Variants in SUMF1 observed in about 807,000 individuals in gnomAD.
The protein encoded by SUMF1 is sulfatase modifying factor 1, also known as formylglycine-generating enzyme.
Under a neutral mutation model 47.6 loss-of-function variants are expected in SUMF1, and 48 were observed. The observed-to-expected ratio is 1.01, with a 90% CI of 0.80 to 1.28. SUMF1 has a LOEUF of 1.28. SUMF1 is among the 50% of genes most tolerant of loss of function. The probability of loss-of-function intolerance (pLI) is 0.00; values close to 1 mark genes in which losing one functional copy is unlikely to be tolerated. For missense variants in SUMF1, 571 were observed against 485.4 expected, an observed-to-expected ratio of 1.18 and a Z score of -1.66; for synonymous variants, 230 against 192.1, an observed-to-expected ratio of 1.20 and a Z score of -1.63.
At chr3:4,284,502 A>T (rs1318884541) in intron 8 of SUMF1, among the ~76,000 whole-genome samples, 1 of 150,958 alleles carries the variant, frequency 6.6e-6, no homozygotes, top group Non-Finnish European at 1.5e-5. Context: ...AGAAAGTACA[A>T]AAGAAGGGGC....
At chr3:4,343,630 A>G (rs545600170) in intron 8 of SUMF1, among the ~76,000 whole-genome samples, 1 of 152,336 alleles carries the variant, frequency 6.6e-6, no homozygotes, top group South Asian at 2.1e-4. Flanking sequence ...TCCTATGCTG[A>G]GCTACCTTGG....
intron 8 of SUMF1, among the ~76,000 whole-genome samples, chr3:4,169,414 G>A (rs1054371515): frequency 1.4e-4 from 21 of 152,120 alleles, no homozygotes; most frequent in Non-Finnish European, 2.8e-4. Flanking sequence ...AAAAGACAAT[G>A]TGAAGACACA....
At chr3:4,089,167 T>A (rs1692732502) in intron 8 of SUMF1, among the ~76,000 whole-genome samples, 1 of 152,126 alleles carries the variant, frequency 6.6e-6, no homozygotes, top group Admixed American at 6.6e-5. Context: ...CTTTTGCTCC[T>A]ACTCACAAAG....
chr3:4,230,315 A>G (rs1458832437), intron 8 of SUMF1, among the ~76,000 whole-genome samples: 1 of 152,126 alleles, frequency 6.6e-6, no homozygotes, highest in African/African-American at 2.4e-5. Context: ...TCAGATGCCA[A>G]TCATAAGTAT....
chr3:4,166,742 G>A (rs1200824233), intron 8 of SUMF1, among the ~76,000 whole-genome samples: 1 of 152,094 alleles, frequency 6.6e-6, no homozygotes, highest in Non-Finnish European at 1.5e-5. Context: ...TCCACTTATG[G>A]CTGCAGGGCC....
At chr3:4,385,757 T>C (rs762174257) in intron 7 of SUMF1, among the ~76,000 whole-genome samples, 15 of 152,214 alleles carry the variant, frequency 9.9e-5, no homozygotes, top group Non-Finnish European at 1.9e-4. Flanking sequence ...TTTTAGAGTT[T>C]TGCAGTTTAA....
chr3:4,228,712 C>T (rs1486538645), intron 8 of SUMF1, among the ~76,000 whole-genome samples: 1 of 152,008 alleles, frequency 6.6e-6, no homozygotes, highest in Non-Finnish European at 1.5e-5. Flanking sequence ...TCCTAAAAAC[C>T]ACACTGTAAA....
intron 8 of SUMF1, among the ~76,000 whole-genome samples, chr3:4,290,767 G>C (rs973142577): frequency 6.6e-6 from 1 of 152,084 alleles, no homozygotes; most frequent in Non-Finnish European, 1.5e-5. Context: ...GTATTTTGAG[G>C]ATATGTGGAC....
chr3:4,104,598 C>A (rs1342267017), intron 8 of SUMF1, among the ~76,000 whole-genome samples: 1 of 151,928 alleles, frequency 6.6e-6, no homozygotes, highest in African/African-American at 2.4e-5. Context: ...ACCCACCCTG[C>A]TGGGCCACCT....
intron 8 of SUMF1, among the ~76,000 whole-genome samples, chr3:4,140,727 A>G (rs553642977): frequency 1.3e-4 from 20 of 152,080 alleles, no homozygotes; most frequent in African/African-American, 4.6e-4. Flanking sequence ...TATTTTATTA[A>G]TATAATATTT....
At chr3:4,221,648 G>A in intron 8 of SUMF1, among the ~76,000 whole-genome samples, 1 of 152,068 alleles carries the variant, frequency 6.6e-6, no homozygotes, top group South Asian at 2.1e-4. Context: ...CTAAATGAAT[G>A]CCAATTATGT....
intron 8 of SUMF1, among the ~76,000 whole-genome samples, chr3:4,097,874 G>C (rs1432986299): frequency 6.6e-6 from 1 of 152,112 alleles, no homozygotes; most frequent in East Asian, 1.9e-4. Flanking sequence ...CAGCAGTCAA[G>C]GGCCAGAAGT....
At chr3:4,110,392 G>A (rs1007235625) in intron 8 of SUMF1, among the ~76,000 whole-genome samples, 1 of 152,146 alleles carries the variant, frequency 6.6e-6, no homozygotes, top group African/African-American at 2.4e-5. Flanking sequence ...TGAGGAGGCA[G>A]TGGGACTGTA....
chr3:4,159,134 T>C (rs757355386), intron 8 of SUMF1, among the ~76,000 whole-genome samples: 9 of 151,442 alleles, frequency 5.9e-5, no homozygotes, highest in Non-Finnish European at 1.3e-4. Flanking sequence ...GTGTACTTAC[T>C]ATTACCAGTA....
intron 8 of SUMF1, among the ~76,000 whole-genome samples, chr3:4,226,645 A>T (rs983184613): frequency 3.9e-5 from 6 of 151,964 alleles, no homozygotes; most frequent in South Asian, 2.1e-4. Context: ...TAATATATTC[A>T]TTTCCATATT....
chr3:4,359,195 A>G (rs1486180141), downstream of SUMF1, among the ~76,000 whole-genome samples: 1 of 152,214 alleles, frequency 6.6e-6, no homozygotes, highest in Non-Finnish European at 1.5e-5. Flanking sequence ...TGTAGTGACT[A>G]TAGCTATCCA....
intron 3 of SUMF1, among the ~76,000 whole-genome samples, chr3:4,433,916 G>C (rs183058748): frequency 6.9e-4 from 105 of 152,354 alleles, no homozygotes; most frequent in Non-Finnish European, 9.6e-4. Context: ...GACAGGTCAA[G>C]AGATATGTCA....
chr3:4,180,938 A>C (rs758316158), intron 8 of SUMF1, among the ~76,000 whole-genome samples: 10 of 152,178 alleles, frequency 6.6e-5, no homozygotes, highest in Non-Finnish European at 1.0e-4. Context: ...TTGAGAACAC[A>C]AGGAAAAACA....
At position 4,298,239 on chromosome 3, in the gene SUMF1, G is replaced by A. The variant is rs185116357; in HGVS notation, c.1014+78091C>T. On this transcript the variant is annotated intron_variant and NMD_transcript_variant, in intron 8 of 12. Coordinates refer to the SUMF1 transcript ENST00000448413. ...TTGCAGAACAAATTCTGAAGATCAA[G>A]GTTCCTGGTCAATGAAAAGCAGTTG... is the stretch of plus-strand genomic sequence containing the variant. Among the ~76,000 whole-genome samples, 6 of 152,254 alleles carry A rather than the reference G, an allele frequency of 3.9e-5. No homozygotes were observed. In the East Asian group the frequency reaches 9.6e-4, roughly 24 times the overall value.
Sources: gnomAD v4.1 joint callset for allele counts (sites outside exome capture counted in the v4.1 genomes callset) on GRCh38, gnomAD v4.1.1 for gene constraint, MANE v1.5 for transcripts, NCBI Gene and HGNC (gene_info 2026-07-23, HGNC 2026-07-21) for gene names.